The following PLSCR5 variants were observed in gnomAD, a reference collection of about 807,000 sequenced individuals.
PLSCR5 encodes the protein phospholipid scramblase family, member 5.
A neutral mutation model predicts 33.6 loss-of-function variants in PLSCR5; 44 were observed. The ratio of observed to expected loss-of-function variants is 1.31; its 90% CI spans 1.03 to 1.69. The LOEUF (loss-of-function observed/expected upper bound fraction) is 1.69, where lower values mean the gene tolerates loss of function less well. Ranked by LOEUF, PLSCR5 falls within the 40% of genes most tolerant of loss-of-function variation. The pLI is 0.00. For missense variants in PLSCR5, 375 were observed against 318.7 expected, an observed-to-expected ratio of 1.18 and a Z score of -1.34; for synonymous variants, 148 against 112.3, an observed-to-expected ratio of 1.32 and a Z score of -2.01.
intron 2 of PLSCR5, among the ~76,000 whole-genome samples, chr3:146,599,243 G>A (rs1010727689): frequency 6.6e-6 from 1 of 152,140 alleles, no homozygotes; most frequent in Non-Finnish European, 1.5e-5. Flanking sequence ...ACAATGACTA[G>A]AACAGTGACT....
At chr3:146,580,434 A>C (rs2044625758) in intron 7 of PLSCR5, among the ~76,000 whole-genome samples, 2 of 124,038 alleles carry the variant, frequency 1.6e-5, no homozygotes, top group Non-Finnish European at 1.6e-5. Context: ...GTTGCTCTTG[A>C]CTCAGAGCCT....
intron 1 of PLSCR5, among the ~76,000 whole-genome samples, chr3:146,603,696 T>C (rs747751299): frequency 6.6e-6 from 1 of 152,156 alleles, no homozygotes; most frequent in Non-Finnish European, 1.5e-5. Flanking sequence ...TATAACTAGC[T>C]TATAAATATT....
intron 1 of PLSCR5, among the ~76,000 whole-genome samples, chr3:146,601,530 G>A (rs765173239): frequency 6.6e-6 from 1 of 152,038 alleles, no homozygotes; most frequent in African/African-American, 2.4e-5. Flanking sequence ...GAGAAGGGCC[G>A]TTATGAAGAC....
At position 146,591,867 on chromosome 3, in the gene PLSCR5, G is replaced by A. The variant is rs755681300; in HGVS notation, c.468C>T (p.Ala156=). 6.2e-7 allele frequency: 1 copy of A among 1,600,246 alleles called. No homozygotes were observed. The highest frequency in any genetic ancestry group is 1.1e-5 in the South Asian group (1 of 87,958). ...PCYLQELEIQ[A]PPGTIVGYVT... Reference sequence around the variant, plus strand: ...CGTAACCAACTATAGTACCAGGAGGGGCTTGGATTTCTAACTGTAAGAAGA... The same window carrying A: ...CGTAACCAACTATAGTACCAGGAGGAGCTTGGATTTCTAACTGTAAGAAGA... Residue 156 remains alanine, a synonymous_variant, in exon 5 of 8, where the codon GCC becomes GCT. Coordinates refer to ENST00000443512, the MANE Select transcript of PLSCR5 (RefSeq NM_001085420.2).
At chr3:146,591,987 T>C (rs899773754) in intron 4 of PLSCR5, 106 bp from the exon 5 acceptor site, 2 of 989,378 alleles carry the variant, frequency 2.0e-6, no homozygotes. Flanking sequence ...TAAAATTATT[T>C]TGATATTCTA....
chr3:146,585,984 A>T, intron 7 of PLSCR5, 42 bp from the exon 8 acceptor site: 1 of 1,293,668 alleles, frequency 7.7e-7, no homozygotes, highest in Non-Finnish European at 1.0e-6. Flanking sequence ...TCAAATATAG[A>T]CATCTTCAAA....
chr3:146,593,845 TCCAGATGAATTC>T (rs1576820908), intron 4 of PLSCR5, 63 bp downstream of exon 4: 5 of 1,393,388 alleles, frequency 3.6e-6, no homozygotes, highest in Non-Finnish European at 5.0e-6. Context: ...GCCTCATTGC[TCCAGATGAATTC>T]CTTTTAAAGA....
At chr3:146,603,243 T>C (rs1427705986) in intron 1 of PLSCR5, among the ~76,000 whole-genome samples, 2 of 152,108 alleles carry the variant, frequency 1.3e-5, no homozygotes, top group Non-Finnish European at 2.9e-5. Flanking sequence ...ATATAGTTAC[T>C]GGACAAGAAA....
chr3:146,588,982 A>C (rs2044687588), intron 6 of PLSCR5, among the ~76,000 whole-genome samples: 2 of 152,188 alleles, frequency 1.3e-5, no homozygotes, highest in African/African-American at 2.4e-5. Context: ...TTATGGCTGC[A>C]TTGAAAATGG....
At chr3:146,579,063 C>A (rs2044616846) in intron 7 of PLSCR5, among the ~76,000 whole-genome samples, 1 of 151,836 alleles carries the variant, frequency 6.6e-6, no homozygotes, top group African/African-American at 2.4e-5. Context: ...AAATTTAACA[C>A]CTAGACAGTT....
At chr3:146,601,168 T>C (rs2044810889) in intron 1 of PLSCR5, among the ~76,000 whole-genome samples, 1 of 151,830 alleles carries the variant, frequency 6.6e-6, no homozygotes, top group Non-Finnish European at 1.5e-5. Context: ...TATGTTACCA[T>C]TTTAATCATC....
At position 146,589,728 on chromosome 3, in the gene PLSCR5, G is replaced by A. The variant is rs755508666; in HGVS notation, c.702C>T (p.Asp234=). The change falls in exon 6 of 8, where the codon GAC becomes GAT. Residue 234 remains aspartate (D), a synonymous_variant. Coordinates refer to ENST00000443512, the MANE Select transcript of PLSCR5 (RefSeq NM_001085420.2). ...CTGCAGGAACATGAATTCCGAAATT[G>A]TCAGCATTTGTGAAGACATCATTTA... ...GFVNDVFTNA[D]NFGIHVPADL... is the part of the protein sequence containing the mutation. The A allele has an allele frequency of 1.9e-6, 3 of 1,600,184 alleles. No homozygotes were observed. The highest frequency in any genetic ancestry group is 3.3e-5 in the Admixed American group (2 of 59,748).
At chr3:146,578,625 C>A (rs1041866729) in intron 7 of PLSCR5, among the ~76,000 whole-genome samples, 3 of 151,874 alleles carry the variant, frequency 2.0e-5, no homozygotes, top group Non-Finnish European at 4.4e-5. Context: ...TCATCTGTAC[C>A]TTTGGGCTTA....
downstream of PLSCR5, among the ~76,000 whole-genome samples, chr3:146,581,467 A>T (rs1432228484): frequency 6.6e-6 from 1 of 152,226 alleles, no homozygotes; most frequent in Non-Finnish European, 1.5e-5. Context: ...TGCCTAGTGC[A>T]GTGTATGCAT....
rs1576826334 is a variant in PLSCR5 at position 146,605,132 on chromosome 3, C to A, written c.13+68G>T. On this transcript the variant is annotated intron_variant, in intron 1 of 7. Coordinates refer to ENST00000443512, the MANE Select transcript of PLSCR5 (RefSeq NM_001085420.2). ...AGTACCAATCTAACTGGTTGTAACA[C>A]ATCCACAATTGTATATTTTTAGTCT... is the stretch of plus-strand genomic sequence containing the variant. 9 of 1,475,326 alleles carry A rather than the reference C, an allele frequency of 6.1e-6. No individual in the cohort carries two copies. The East Asian group carries it at 2.1e-4, about 35-fold the overall frequency. The allele number at this position is 1,475,326 out of a possible 1,614,324, so 91.4% of individuals were successfully genotyped here.
At chr3:146,581,187 C>T (rs1465068451), downstream of PLSCR5, among the ~76,000 whole-genome samples, 1 of 152,138 alleles carries the variant, frequency 6.6e-6, no homozygotes, top group Admixed American at 6.5e-5. Context: ...ATTTAAACTC[C>T]ACACTTTCCC....
At chr3:146,589,474 T>G in intron 6 of PLSCR5, 179 bp downstream of exon 6, 1 of 480,762 alleles carries the variant, frequency 2.1e-6, no homozygotes, top group Non-Finnish European at 3.3e-6. Flanking sequence ...AGGGGCTGCC[T>G]AACAGAAATG....
intron 1 of PLSCR5, among the ~76,000 whole-genome samples, chr3:146,600,858 C>T (rs2044807950): frequency 1.4e-5 from 2 of 148,036 alleles, no homozygotes; most frequent in African/African-American, 4.9e-5. Flanking sequence ...TTATCGGTTA[C>T]TTTATACATA....
intron 6 of PLSCR5, among the ~76,000 whole-genome samples, chr3:146,588,032 A>C (rs1349032893): frequency 6.6e-6 from 1 of 152,120 alleles, no homozygotes; most frequent in Non-Finnish European, 1.5e-5. Flanking sequence ...AGCATTCTGA[A>C]ACCCCAGAAA....
Sources: allele counts gnomAD v4.1 joint callset (sites outside exome capture counted in the v4.1 genomes callset), GRCh38; gene constraint gnomAD v4.1.1; transcripts MANE v1.5; gene names NCBI Gene and HGNC (gene_info 2026-07-23, HGNC 2026-07-21).